Variants in FAM83D observed in about 807,000 individuals in gnomAD.
The protein encoded by FAM83D is protein FAM83D.
In FAM83D, 26 loss-of-function variants were observed where a neutral mutation model predicts 25.4. That is an observed-to-expected ratio of 1.02 (90% CI 0.75 to 1.42). FAM83D has a LOEUF of 1.42. Ranked by LOEUF, FAM83D falls within the 40% of genes most tolerant of loss-of-function variation. FAM83D has a pLI of 0.00. For synonymous variants in FAM83D, 310 were observed against 318.5 expected, an observed-to-expected ratio of 0.97 and a Z score of 0.28; for missense variants, 740 against 758.1, an observed-to-expected ratio of 0.98 and a Z score of 0.28.
chr20:38,937,160 T>C (rs926258949), intron 1 of FAM83D, among the ~76,000 whole-genome samples: 1 of 152,210 alleles, frequency 6.6e-6, no homozygotes, highest in Non-Finnish European at 1.5e-5. Flanking sequence ...TGACTTGCAC[T>C]GAGTTGCAAA....
Position 38,942,094 on chromosome 20 carries a change from A to C in FAM83D, c.619A>C (p.Met207Leu), listed in dbSNP as rs538971083. The C allele has an allele frequency of 6.2e-7, 1 of 1,614,212 alleles. No individual in the cohort carries two copies. ...ALLSQFLDMC[M>L]DLKVHPEQEK... Reference sequence around the variant, plus strand: ...CCTCTCTCAATTTCTGGATATGTGCATGGATCTGAAAGTTCATCCTGAACA... The same window carrying C: ...CCTCTCTCAATTTCTGGATATGTGCCTGGATCTGAAAGTTCATCCTGAACA... Residue 207 changes from methionine (M) to leucine (L), a missense_variant, in exon 2 of 4, where the codon ATG (methionine) becomes CTG (leucine). Coordinates refer to ENST00000619850, the MANE Select transcript of FAM83D (RefSeq NM_030919.3).
chr20:38,934,133 C>T (rs148832553), intron 1 of FAM83D, among the ~76,000 whole-genome samples: 3,840 of 152,170 alleles, frequency 0.025, 65 homozygotes, highest in Middle Eastern at 0.058. Flanking sequence ...AGATTACAGG[C>T]GTGAGCTACC....
chr20:38,947,166 T>C (rs901143097), intron 2 of FAM83D, among the ~76,000 whole-genome samples: 2 of 152,248 alleles, frequency 1.3e-5, no homozygotes, highest in Non-Finnish European at 2.9e-5. Flanking sequence ...TGTATGCCAT[T>C]GTTTATACAT....
chr20:38,926,856 C>A lies in FAM83D; in HGVS notation c.414C>A (p.Arg138=). ...ATRVETHFQP[R]GAGEGGPYGC... is the part of the protein sequence containing the mutation. ...GTGTCGAGACGCACTTCCAGCCCCGCGGCGCTGGCGAAGGTGGCCCCTACG... is the reference window on the plus strand; with the variant it reads ...GTGTCGAGACGCACTTCCAGCCCCGAGGCGCTGGCGAAGGTGGCCCCTACG... The change falls in exon 1 of 4, where the codon CGC becomes CGA. Residue 138 remains arginine (R), a synonymous_variant. Transcript: ENST00000619850. 1 of 1,522,216 alleles carries A rather than the reference C, an allele frequency of 6.6e-7. No individual in the cohort carries two copies. The highest frequency in any genetic ancestry group is 8.8e-7 in the Non-Finnish European group (1 of 1,140,240). The allele number at this position is 1,522,216 out of a possible 1,614,324, so 94.3% of individuals were successfully genotyped here. A position where few individuals can be genotyped will look rare whatever the true frequency, so the allele number is the denominator to read the frequency against.
At chr20:38,932,618 G>T (rs536991474) in intron 1 of FAM83D, among the ~76,000 whole-genome samples, 1 of 152,262 alleles carries the variant, frequency 6.6e-6, no homozygotes, top group Admixed American at 6.5e-5. Context: ...TGTTGATGAC[G>T]CATTCAGCTT....
Position 38,951,616 on chromosome 20 carries a change from T to A in FAM83D, c.854T>A (p.Leu285Gln). 1 of 1,614,218 alleles carries A rather than the reference T, an allele frequency of 6.2e-7. No homozygotes were observed. Among genetic ancestry groups the A allele is most frequent in the East Asian group, 2.2e-5 (1 of 44,880 alleles). Residue 285 changes from leucine (L) to glutamine (Q), a missense_variant, in exon 4 of 4, where the codon CTG (leucine) becomes CAG (glutamine). Leu to Gln is a moderately radical substitution (Grantham distance 113, BLOSUM62 -2). This residue lies in a region of FAM83D where 375 missense variants were observed against 403.2 expected (regional missense o/e 0.93). Transcript: ENST00000619850. ...GGCCAAGTGGTTGAACACTTTGATC[T>A]GGAGTTCCGAATCCTGTATGCCCAG... ...LSGQVVEHFDLEFRILYAQSK... is the reference protein window; with the variant it reads ...LSGQVVEHFDQEFRILYAQSK...
At chr20:38,947,801 T>G (rs1490037279) in intron 2 of FAM83D, 75 bp from the exon 3 acceptor site, 1 of 1,548,828 alleles carries the variant, frequency 6.5e-7, no homozygotes, top group Non-Finnish European at 8.8e-7. Context: ...CTAAGGCTTT[T>G]TGTCCTAACC....
intron 3 of FAM83D, among the ~76,000 whole-genome samples, chr20:38,950,459 G>A (rs1014140608): frequency 5.3e-5 from 8 of 152,172 alleles, no homozygotes; most frequent in Non-Finnish European, 1.2e-4. Flanking sequence ...AGGGCACATG[G>A]CCACTAATCA....
chr20:38,937,964 C>CA, intron 1 of FAM83D, among the ~76,000 whole-genome samples: 1 of 151,904 alleles, frequency 6.6e-6, no homozygotes, highest in Non-Finnish European at 1.5e-5. Flanking sequence ...TCTCCAGAAA[C>CA]AAAAAAATAG....
chr20:38,947,802 T>C, intron 2 of FAM83D, 74 bp from the exon 3 acceptor site: 2 of 1,550,138 alleles, frequency 1.3e-6, no homozygotes, highest in East Asian at 2.3e-5. Context: ...TAAGGCTTTT[T>C]GTCCTAACCA....
At position 38,926,720 on chromosome 20, in the gene FAM83D, C is replaced by A; in HGVS notation, c.278C>A (p.Ser93Ter). Residue 93 changes from serine to a stop codon, truncating the protein, a stop_gained, in exon 1 of 4, where the codon TCG (serine) becomes TAG (stop). Coordinates refer to ENST00000619850, the MANE Select transcript of FAM83D (RefSeq NM_030919.3). LOFTEE classifies it high-confidence loss of function. ...GCGGCCGAGGACTCGTTCGGCTCCT[C>A]GCACGACTGCTCTTCGGGCACCTAC... is the stretch of plus-strand genomic sequence containing the variant. Reference protein sequence around the residue: ...AAAAEDSFGSSHDCSSGTYFP... With the variant: ...AAAAEDSFGS 6.6e-7 allele frequency: 1 copy of A among 1,523,886 alleles called. No homozygotes were observed. The allele number at this position is 1,523,886 out of a possible 1,614,324, so 94.4% of individuals were successfully genotyped here.
At chr20:38,948,598 A>C (rs2085739805) in intron 3 of FAM83D, among the ~76,000 whole-genome samples, 1 of 152,248 alleles carries the variant, frequency 6.6e-6, no homozygotes, top group Admixed American at 6.5e-5. Context: ...TGAGCGGTTT[A>C]CATGAATCTC....
intron 2 of FAM83D, among the ~76,000 whole-genome samples, chr20:38,947,083 T>A (rs1365654088): frequency 1.3e-5 from 2 of 152,234 alleles, no homozygotes; most frequent in African/African-American, 2.4e-5. Flanking sequence ...ACACGTTTAA[T>A]TTAAATGTGT....
In FAM83D at chr20:38,951,680, G is replaced by A; in HGVS notation, c.918G>A (p.Gln306=). Residue 306 remains glutamine, a synonymous_variant, in exon 4 of 4, where the codon CAG becomes CAA. Transcript: ENST00000619850. The part of the protein sequence containing the change: ...PISPKLLSHF[Q]SSNKFDHLTN... ...GCCCCAAACTCCTGTCTCACTTCCA[G>A]AGCAGCAACAAGTTTGATCACCTCA... 6.2e-7 allele frequency: 1 copy of A among 1,614,168 alleles called. No individual in the cohort carries two copies. The highest frequency in any genetic ancestry group is 8.5e-7 in the Non-Finnish European group (1 of 1,180,040).
chr20:38,929,498 G>A (rs1352374352), intron 1 of FAM83D, among the ~76,000 whole-genome samples: 2 of 152,106 alleles, frequency 1.3e-5, no homozygotes, highest in East Asian at 3.8e-4. Flanking sequence ...TTTGGGGGCA[G>A]CCAAATTCCC....
intron 1 of FAM83D, among the ~76,000 whole-genome samples, chr20:38,936,914 T>G (rs935664720): frequency 6.6e-6 from 1 of 152,222 alleles, no homozygotes; most frequent in African/African-American, 2.4e-5. Context: ...TGACGTCTGC[T>G]GTTCAACTAC....
At chr20:38,934,593 T>G (rs1410133269) in intron 1 of FAM83D, among the ~76,000 whole-genome samples, 1 of 152,224 alleles carries the variant, frequency 6.6e-6, no homozygotes. Context: ...TACCCATTGA[T>G]CTACCACTTC....
chr20:38,951,717 CCA>C lies in FAM83D; in HGVS notation c.958_959del (p.Gln320ValfsTer16), dbSNP rs766220608. ...NKFDHLTNRK[P>X]QSKELTLGNL... ...GTTTGATCACCTCACCAACCGAAAA[CCA>C]CAGTCCAAGGAGCTCACCCTGGGCA... is the stretch of plus-strand genomic sequence containing the variant. On this transcript the variant is annotated frameshift_variant, in exon 4 of 4. Coordinates refer to ENST00000619850, the MANE Select transcript of FAM83D (RefSeq NM_030919.3). LOFTEE classifies it low-confidence loss of function (END_TRUNC). The C allele has an allele frequency of 6.2e-7, 1 of 1,614,186 alleles. No homozygotes were observed. Among genetic ancestry groups the C allele is most frequent in the Admixed American group, 1.7e-5 (1 of 60,030 alleles).
At chr20:38,934,676 A>C (rs975769585) in intron 1 of FAM83D, among the ~76,000 whole-genome samples, 7 of 152,170 alleles carry the variant, frequency 4.6e-5, no homozygotes, top group Non-Finnish European at 8.8e-5. Flanking sequence ...TTGCAACACT[A>C]ATTATAATAG....
Sources: allele counts gnomAD v4.1 joint callset (sites outside exome capture counted in the v4.1 genomes callset), GRCh38; gene constraint gnomAD v4.1.1; regional missense constraint gnomAD v4.1.1; transcripts MANE v1.5; gene names NCBI Gene and HGNC (gene_info 2026-07-23, HGNC 2026-07-21).